CMIP: variants seen among roughly 807,000 people sequenced by gnomAD.
The protein encoded by CMIP is c-Maf inducing protein.
CMIP carries 13 observed loss-of-function variants against 97.3 expected under a neutral mutation model. The ratio of observed to expected loss-of-function variants is 0.13; its 90% CI spans 0.09 to 0.21. The LOEUF is 0.21. CMIP is among the 10% of genes least tolerant of loss of function. The pLI is 1.00. For missense variants in CMIP, 847 were observed against 1,024.9 expected, an observed-to-expected ratio of 0.83 and a Z score of 2.37; for synonymous variants, 538 against 436.3, an observed-to-expected ratio of 1.23 and a Z score of -2.91.
chr16:81,642,990 C>T (rs1159972234), intron 3 of CMIP, among the ~76,000 whole-genome samples: 1 of 152,214 alleles, frequency 6.6e-6, no homozygotes, highest in East Asian at 1.9e-4. Context: ...CCGGATGAAC[C>T]TTGAGGACGG....
At chr16:81,694,071 T>C (rs1906418071) in intron 13 of CMIP, among the ~76,000 whole-genome samples, 1 of 152,204 alleles carries the variant, frequency 6.6e-6, no homozygotes, top group Middle Eastern at 3.2e-3. Context: ...CAGCTGTCTT[T>C]TAGGAGGTGC....
intron 11 of CMIP, 55 bp from the exon 12 acceptor site, chr16:81,693,103 G>C (rs887512257): frequency 1.4e-6 from 2 of 1,407,466 alleles, no homozygotes; most frequent in Non-Finnish European, 2.0e-6. Context: ...TGGGAACATT[G>C]TGCTGTTTCC....
intron 1 of CMIP, among the ~76,000 whole-genome samples, chr16:81,568,039 G>GTGTGT (rs10629229): frequency 0.36 from 30,475 of 83,546 alleles, 6,446 homozygotes; most frequent in Non-Finnish European, 0.42. Flanking sequence ...GTGTGTGTGT[G>GTGTGT]TTTTTTTTTT....
chr16:81,521,872 T>A (rs1427277634), intron 1 of CMIP, among the ~76,000 whole-genome samples: 3 of 152,190 alleles, frequency 2.0e-5, no homozygotes, highest in African/African-American at 4.8e-5. Context: ...TCCCTTGTCT[T>A]TTTGGTATCC....
chr16:81,524,836 C>T (rs1434530147), intron 1 of CMIP, among the ~76,000 whole-genome samples: 1 of 151,598 alleles, frequency 6.6e-6, no homozygotes, highest in Non-Finnish European at 1.5e-5. Context: ...TTCCTCTGCC[C>T]AGGCTGGAGT....
chr16:81,639,728 TA>T (rs1286629723), intron 3 of CMIP, among the ~76,000 whole-genome samples: 2 of 152,232 alleles, frequency 1.3e-5, no homozygotes. Flanking sequence ...AATGCACTTT[TA>T]AATATACCGG....
intron 2 of CMIP, chr16:81,618,484 T>C (rs1480580848): frequency 6.6e-6 from 1 of 152,172 alleles, no homozygotes; most frequent in Non-Finnish European, 1.5e-5. Context: ...ATGGAACATG[T>C]TTAGGGGGCT....
In CMIP at chr16:81,680,855, G is replaced by A. The variant is rs555363653; in HGVS notation, c.1388+2227G>A. Among the ~76,000 whole-genome samples, 49 of 152,330 alleles carry A rather than the reference G, an allele frequency of 3.2e-4. No homozygotes were observed. In the East Asian group the frequency reaches 7.9e-3, roughly 25 times the overall value. ...GTTCCAGCTGGTTTTTGCAAACACC[G>A]TGAGCTCCTGGGCCTTCTGGTATTT... is the stretch of plus-strand genomic sequence containing the variant. On this transcript the variant is annotated intron_variant, in intron 10 of 20. Transcript: ENST00000537098.
At chr16:81,466,705 A>G (rs1487244729) in intron 1 of CMIP, among the ~76,000 whole-genome samples, 3 of 152,284 alleles carry the variant, frequency 2.0e-5, no homozygotes, top group Admixed American at 1.3e-4. Context: ...TCTGCCTGGG[A>G]TAGGAGCAAG....
chr16:81,572,050 A>T (rs1004369528), intron 1 of CMIP, among the ~76,000 whole-genome samples: 1 of 152,174 alleles, frequency 6.6e-6, no homozygotes, highest in Non-Finnish European at 1.5e-5. Context: ...CGACCCTGGC[A>T]CCAGCCCAGG....
intron 1 of CMIP, among the ~76,000 whole-genome samples, chr16:81,524,581 C>T (rs12596131): frequency 6.6e-6 from 1 of 152,164 alleles, no homozygotes; most frequent in Admixed American, 6.5e-5. Context: ...GCAGCTGCAG[C>T]CATCACGGCC....
Position 81,652,197 on chromosome 16 carries a change from A to G in CMIP, c.478-6A>G. 1 of 1,609,016 alleles carries G rather than the reference A, an allele frequency of 6.2e-7. No homozygotes were observed. Among genetic ancestry groups the G allele is most frequent in the Non-Finnish European group, 8.5e-7 (1 of 1,175,932 alleles). ...ATGTTGCTGTCTCTTTATCTCTTTCAACCAGAAAAAGATTTACAAATATAA... is the reference window on the plus strand; with the variant it reads ...ATGTTGCTGTCTCTTTATCTCTTTCGACCAGAAAAAGATTTACAAATATAA... On this transcript the variant is annotated splice_polypyrimidine_tract_variant and splice_region_variant and intron_variant, in intron 3 of 20. Coordinates refer to ENST00000537098, the MANE Select transcript of CMIP (RefSeq NM_198390.3). The surrounding 1 kb of genome is among the most constrained non-coding windows in gnomAD (Gnocchi z 5.2).
In CMIP at chr16:81,686,692, T is replaced by G. The variant is rs560202839; in HGVS notation, c.1389-5083T>G. ...TGAAGGCTGCCACTCTATCGTGGGCTTATTTGGAGGAAGGTGGGGCAGGAA... is the reference window on the plus strand; with the variant it reads ...TGAAGGCTGCCACTCTATCGTGGGCGTATTTGGAGGAAGGTGGGGCAGGAA... On this transcript the variant is annotated intron_variant, in intron 10 of 20. Coordinates refer to ENST00000537098, the MANE Select transcript of CMIP (RefSeq NM_198390.3). Among the ~76,000 whole-genome samples the G allele has an allele frequency of 2.0e-5, 3 of 152,244 alleles. No homozygotes were observed. The South Asian group carries it at 6.2e-4, about 32-fold the overall frequency.
chr16:81,640,918 C>G (rs1415642107), intron 3 of CMIP, among the ~76,000 whole-genome samples: 1 of 152,152 alleles, frequency 6.6e-6, no homozygotes, highest in Non-Finnish European at 1.5e-5. Flanking sequence ...GGGCTTAGGA[C>G]TTGGACATAT....
intron 1 of CMIP, among the ~76,000 whole-genome samples, chr16:81,531,234 C>T (rs2090229211): frequency 6.6e-6 from 1 of 152,126 alleles, no homozygotes; most frequent in African/African-American, 2.4e-5. Context: ...CACCGTGTGA[C>T]AGCAGAGACA....
intron 3 of CMIP, among the ~76,000 whole-genome samples, chr16:81,647,320 T>G (rs921977062): frequency 6.6e-6 from 1 of 152,224 alleles, no homozygotes; most frequent in Non-Finnish European, 1.5e-5. Flanking sequence ...TTTGGGGCTT[T>G]GTGGGCCACA....
At chr16:81,492,450 G>C (rs2089420561) in intron 1 of CMIP, among the ~76,000 whole-genome samples, 2 of 152,190 alleles carry the variant, frequency 1.3e-5, no homozygotes, top group Admixed American at 1.3e-4. Context: ...TTCTGTTAGC[G>C]ATGAAGATGA....
At chr16:81,671,871 C>A in intron 8 of CMIP, 95 bp from the exon 9 acceptor site, 1 of 638,144 alleles carries the variant, frequency 1.6e-6, no homozygotes, top group Non-Finnish European at 2.8e-6. Flanking sequence ...AGCGGGCAGC[C>A]CCGTGCCTGA....
At chr16:81,587,716 G>T (rs1364386165) in intron 1 of CMIP, among the ~76,000 whole-genome samples, 1 of 152,222 alleles carries the variant, frequency 6.6e-6, no homozygotes, top group African/African-American at 2.4e-5. Flanking sequence ...TTCCTGAAGT[G>T]ACCAAACCTG....
Sources: allele counts gnomAD v4.1 joint callset (sites outside exome capture counted in the v4.1 genomes callset), GRCh38; gene constraint gnomAD v4.1.1; non-coding constraint Gnocchi (gnomAD v3.1); transcripts MANE v1.5; gene names NCBI Gene and HGNC (gene_info 2026-07-23, HGNC 2026-07-21).